AHNAK: variants seen among roughly 807,000 people sequenced by gnomAD.
AHNAK encodes the protein AHNAK nucleoprotein.
In AHNAK, 23 loss-of-function variants were observed where a neutral mutation model predicts 37.8. That is an observed-to-expected ratio of 0.61 (90% CI 0.44 to 0.86). The LOEUF is 0.86. Ranked by LOEUF, AHNAK falls within the 40% of genes least tolerant of loss-of-function variation. The pLI is 0.00. For missense variants in AHNAK, 7,411 were observed against 7,319.4 expected (o/e 1.01, Z -0.46); for synonymous variants, 2,481 against 2,636.3 (o/e 0.94, Z 1.80).
chr11:62,521,987 T>G lies in AHNAK; in HGVS notation c.12430A>C (p.Lys4144Gln). The change falls in exon 5 of 5, where the codon AAG becomes CAG. Residue 4144 changes from lysine (K) to glutamine (Q), a missense_variant. Transcript: ENST00000378024. ...GGCAGAGAAACGTCCACGTCGCCCT[T>G]CATCTTTGGACCTTTCAGATTCAGG... The part of the protein sequence containing the change: ...VDLNLKGPKM[K>Q]GDVDVSLPKV... The G allele has an allele frequency of 6.2e-7, 1 of 1,613,722 alleles. No homozygotes were observed. Among genetic ancestry groups the G allele is most frequent in the African/African-American group, 1.3e-5 (1 of 74,872 alleles).
rs1940692282 is a variant in AHNAK, at chr11:62,530,452, T to C, written c.3965A>G (p.Lys1322Arg). Reference sequence around the variant, plus strand: ...CAGGTCCACATCAGGCATGGAGATCTTGGGGGCCTTGAAGTGCATCTCAGG... The same window carrying C: ...CAGGTCCACATCAGGCATGGAGATCCTGGGGGCCTTGAAGTGCATCTCAGG... ...KMPEMHFKAP[K>R]ISMPDVDLNL... Residue 1322 changes from lysine (K) to arginine (R), a missense_variant, in exon 5 of 5, where the codon AAG becomes AGG. Coordinates refer to ENST00000378024, the MANE Select transcript of AHNAK (RefSeq NM_001620.3). The C allele has an allele frequency of 6.2e-7, 1 of 1,614,098 alleles. No individual in the cohort carries two copies. The highest frequency in any genetic ancestry group is 8.5e-7 in the Non-Finnish European group (1 of 1,180,006).
intron 1 of AHNAK, among the ~76,000 whole-genome samples, chr11:62,538,090 C>CAAG (rs1189331649): frequency 5.9e-5 from 9 of 152,134 alleles, no homozygotes; most frequent in Non-Finnish European, 1.0e-4. Flanking sequence ...TTCCACCTCC[C>CAAG]TCAGAGACAG....
At chr11:62,493,332 CTTTT>C (rs538984724) in intron 4 of AHNAK, among the ~76,000 whole-genome samples, 2 of 122,908 alleles carry the variant, frequency 1.6e-5, no homozygotes, top group Non-Finnish European at 1.8e-5. Flanking sequence ...TTCTTTCTTT[CTTTT>C]TTTTTTTTTT....
chr11:62,522,935 G>C lies in AHNAK; in HGVS notation c.11482C>G (p.Leu3828Val). ...KGEGPDVDVN[L>V]PKADLDVSGP... ...GAGACATCAAGGTCAGCCTTGGGCAGGTTCACATCCACATCTGGGCCCTCT... is the reference window on the plus strand; with the variant it reads ...GAGACATCAAGGTCAGCCTTGGGCACGTTCACATCCACATCTGGGCCCTCT... Residue 3828 changes from leucine to valine, a missense_variant, in exon 5 of 5, where the codon CTG (leucine) becomes GTG (valine). Leu to Val is a conservative substitution (Grantham distance 32, BLOSUM62 1). Coordinates refer to ENST00000378024, the MANE Select transcript of AHNAK (RefSeq NM_001620.3). 1 of 1,612,934 alleles carries C rather than the reference G, an allele frequency of 6.2e-7. No homozygotes were observed. The highest frequency in any genetic ancestry group is 8.5e-7 in the Non-Finnish European group (1 of 1,179,794).
intron 5 of AHNAK, among the ~76,000 whole-genome samples, chr11:62,481,920 T>C (rs1939284833): frequency 6.6e-6 from 1 of 152,060 alleles, no homozygotes; most frequent in African/African-American, 2.4e-5. Context: ...TGTTAAGACC[T>C]TTTACGATCC....
chr11:62,455,779 CGCTTGAACCTGGGAGGCGGAGGTT>C (rs1278848950), intron 5 of AHNAK, among the ~76,000 whole-genome samples: 1 of 151,850 alleles, frequency 6.6e-6, no homozygotes, highest in Non-Finnish European at 1.5e-5. Context: ...GCAGGAGAAT[CGCTTGAACCTGGGAGGCGGAGGTT>C]GCAGTGAGCC....
intron 4 of AHNAK, among the ~76,000 whole-genome samples, chr11:62,504,873 T>G (rs146571856): frequency 6.6e-6 from 1 of 152,292 alleles, no homozygotes; most frequent in African/African-American, 2.4e-5. Context: ...TAAAAGGCTC[T>G]GCCGTTTCAA....
In AHNAK at chr11:62,529,983, T is replaced by C. The variant is rs1218922084; in HGVS notation, c.4434A>G (p.Gly1478=). 6.2e-7 allele frequency: 1 copy of C among 1,613,444 alleles called. No individual in the cohort carries two copies. Among genetic ancestry groups the C allele is most frequent in the South Asian group, 1.1e-5 (1 of 91,062 alleles). The stretch of plus-strand genomic sequence containing the variant: ...TGTCAACATCAGGAGCTTTTATCTC[T>C]CCTTCTACTTTTGGAACTGTTACAT... ...DYDVTVPKVE[G]EIKAPDVDIK... Residue 1478 remains glycine, a synonymous_variant, in exon 5 of 5, where the codon GGA becomes GGG. Coordinates refer to ENST00000378024, the MANE Select transcript of AHNAK (RefSeq NM_001620.3).
At position 62,523,561 on chromosome 11, in the gene AHNAK, C is replaced by T; in HGVS notation, c.10856G>A (p.Gly3619Asp). 7 of 1,614,084 alleles carry T rather than the reference C, an allele frequency of 4.3e-6. No individual in the cohort carries two copies. The highest frequency in any genetic ancestry group is 5.9e-6 in the Non-Finnish European group (7 of 1,180,010). The change falls in exon 5 of 5, where the codon GGC (glycine) becomes GAC (aspartate). Residue 3619 changes from glycine (G) to aspartate (D), a missense_variant. Coordinates refer to ENST00000378024, the MANE Select transcript of AHNAK (RefSeq NM_001620.3). ...AGGGAGGGTAACATCGACTTCAGGG[C>T]CTTCTCCTTTGAAGCCAGGCATGCT... ...KFSMPGFKGE[G>D]PEVDVTLPKA... is the part of the protein sequence containing the mutation.
chr11:62,535,158 C>A lies in AHNAK; in HGVS notation c.187G>T (p.Asp63Tyr). 6.2e-7 allele frequency: 1 copy of A among 1,612,406 alleles called. No individual in the cohort carries two copies. Among genetic ancestry groups the A allele is most frequent in the South Asian group, 1.1e-5 (1 of 91,052 alleles). Residue 63 changes from aspartate (D) to tyrosine (Y), a missense_variant, in exon 4 of 5, where the codon GAC (aspartate) becomes TAC (tyrosine). Coordinates refer to ENST00000378024, the MANE Select transcript of AHNAK (RefSeq NM_001620.3). ...DQIVGATIYF[D>Y]NLQSGEVTQL... ...GTCACCTCACCCGACTGCAGGTTGT[C>A]AAAGTAGATGGTGGCACCCACAATC...
chr11:62,484,533 T>C (rs1258230698), intron 5 of AHNAK, among the ~76,000 whole-genome samples: 1 of 152,088 alleles, frequency 6.6e-6, no homozygotes, highest in African/African-American at 2.4e-5. Flanking sequence ...ATTCCAAGCA[T>C]AGTTCACAGC....
intron 5 of AHNAK, among the ~76,000 whole-genome samples, chr11:62,446,784 C>A (rs954525796): frequency 6.6e-6 from 1 of 152,030 alleles, no homozygotes; most frequent in Non-Finnish European, 1.5e-5. Context: ...ATGCCTCCTT[C>A]AGGACGTGGG....
chr11:62,542,958 C>T (rs973165433), intron 1 of AHNAK, among the ~76,000 whole-genome samples: 2 of 152,200 alleles, frequency 1.3e-5, no homozygotes, highest in Non-Finnish European at 2.9e-5. Flanking sequence ...GACCACGCTA[C>T]TGCAGGGGCG....
intron 1 of AHNAK, among the ~76,000 whole-genome samples, chr11:62,539,921 C>T (rs1238696874): frequency 6.6e-6 from 1 of 152,222 alleles, no homozygotes; most frequent in Non-Finnish European, 1.5e-5. Flanking sequence ...GAAGGGAATA[C>T]TGAAGGAGGG....
At chr11:62,440,373 C>T (rs1422732892) in intron 5 of AHNAK, among the ~76,000 whole-genome samples, 1 of 152,088 alleles carries the variant, frequency 6.6e-6, no homozygotes, top group Non-Finnish European at 1.5e-5. Context: ...GCAGAGTTTC[C>T]AATCCCACCA....
intron 5 of AHNAK, among the ~76,000 whole-genome samples, chr11:62,490,308 T>C (rs1435780692): frequency 2.0e-5 from 3 of 151,346 alleles, no homozygotes; most frequent in East Asian, 3.9e-4. Context: ...TTTAAGCGAT[T>C]CTTCTGCCTC....
intron 1 of AHNAK, among the ~76,000 whole-genome samples, chr11:62,539,262 G>T (rs1665444645): frequency 6.6e-6 from 1 of 151,184 alleles, no homozygotes; most frequent in South Asian, 2.1e-4. Flanking sequence ...AAGGAAAACA[G>T]ATTCCAGACT....
chr11:62,482,806 C>A (rs777624188), intron 5 of AHNAK, among the ~76,000 whole-genome samples: 11 of 152,176 alleles, frequency 7.2e-5, no homozygotes, highest in Non-Finnish European at 1.6e-4. Context: ...GGAACAGGAA[C>A]ATTTTATCTG....
intron 1 of AHNAK, chr11:62,545,915 T>C (rs1941293750): frequency 6.6e-6 from 1 of 152,204 alleles, no homozygotes; most frequent in Admixed American, 6.5e-5. Context: ...TCCCGAGGAC[T>C]GGGCCGCCGC....
Sources: allele counts gnomAD v4.1 joint callset (sites outside exome capture counted in the v4.1 genomes callset), GRCh38; gene constraint gnomAD v4.1.1; transcripts MANE v1.5; gene names NCBI Gene and HGNC (gene_info 2026-07-23, HGNC 2026-07-21).